AUTS2: variants seen among roughly 807,000 people sequenced by gnomAD.
AUTS2 encodes the protein activator of transcription and developmental regulator AUTS2, also known as autism susceptibility gene 2 protein.
Under a neutral mutation model 112.4 loss-of-function variants are expected in AUTS2, and 17 were observed. The ratio of observed to expected loss-of-function variants is 0.15; its 90% confidence interval spans 0.10 to 0.23. AUTS2 has a LOEUF of 0.23. Among genes scored for constraint, AUTS2 ranks in the 10% least tolerant of loss-of-function variants. The probability of loss-of-function intolerance (pLI) is 1.00; values close to 1 mark genes in which losing one functional copy is unlikely to be tolerated. For missense variants in AUTS2, 1,510 were observed against 1,701.6 expected (o/e 0.89, Z 1.98); for synonymous variants, 751 against 702.7 (o/e 1.07, Z -1.09).
chr7:70,170,595 C>CTT (rs398005103), intron 4 of AUTS2, among the ~76,000 whole-genome samples: 24,646 of 126,812 alleles, frequency 0.19, 2,661 homozygotes, highest in Middle Eastern at 0.26. Context: ...GACACGTTAT[C>CTT]TTTTTTTTTT....
chr7:69,775,358 C>A (rs1253737645), intron 1 of AUTS2, among the ~76,000 whole-genome samples: 1 of 152,280 alleles, frequency 6.6e-6, no homozygotes, highest in Admixed American at 6.5e-5. Flanking sequence ...GAGAATGATC[C>A]CTGATGCAGT....
chr7:69,760,698 G>A (rs1788149405), intron 1 of AUTS2, among the ~76,000 whole-genome samples: 1 of 152,150 alleles, frequency 6.6e-6, no homozygotes, highest in South Asian at 2.1e-4. Flanking sequence ...GCACAAGTCT[G>A]TAATCCCAGC....
intron 1 of AUTS2, among the ~76,000 whole-genome samples, chr7:69,670,555 CAAAAA>C (rs200373158): frequency 5.2e-4 from 62 of 119,000 alleles, no homozygotes; most frequent in Non-Finnish European, 7.9e-4. Flanking sequence ...CTTGATCCCT[CAAAAA>C]AAAAAAAAAA....
intron 5 of AUTS2, among the ~76,000 whole-genome samples, chr7:70,445,982 A>G (rs1331365753): frequency 5.3e-5 from 8 of 152,204 alleles, no homozygotes; most frequent in Admixed American, 4.6e-4. Context: ...CCAGAGCCTC[A>G]TGAACCCCAT....
intron 1 of AUTS2, among the ~76,000 whole-genome samples, chr7:69,693,923 G>A (rs1170098610): frequency 1.3e-5 from 2 of 152,132 alleles, no homozygotes; most frequent in African/African-American, 4.8e-5. Flanking sequence ...CGCTGTGTAG[G>A]GTGATTCTAA....
At chr7:69,616,820 A>G (rs1793405949) in intron 1 of AUTS2, among the ~76,000 whole-genome samples, 1 of 152,150 alleles carries the variant, frequency 6.6e-6, no homozygotes, top group Admixed American at 6.5e-5. Context: ...TTATTAAATC[A>G]GAACTCCACC....
chr7:70,522,261 G>A (rs1224321458), intron 5 of AUTS2, among the ~76,000 whole-genome samples: 1 of 152,098 alleles, frequency 6.6e-6, no homozygotes. Context: ...AGAAAAAATA[G>A]CAACTAAGAA....
At chr7:69,831,025 A>G (rs936437827) in intron 1 of AUTS2, among the ~76,000 whole-genome samples, 1 of 152,316 alleles carries the variant, frequency 6.6e-6, no homozygotes, top group African/African-American at 2.4e-5. Context: ...GAAGGCTTTC[A>G]TAGACAGCCT....
chr7:70,709,945 G>A (rs915724347), intron 6 of AUTS2, among the ~76,000 whole-genome samples: 3 of 152,148 alleles, frequency 2.0e-5, no homozygotes, highest in Non-Finnish European at 4.4e-5. Flanking sequence ...AGAGGGGATT[G>A]AGCCCCGGCA....
chr7:69,731,619 T>C (rs1786798193), intron 1 of AUTS2, among the ~76,000 whole-genome samples: 1 of 152,236 alleles, frequency 6.6e-6, no homozygotes, highest in Non-Finnish European at 1.5e-5. Context: ...CTGAGTGTTT[T>C]ATACAGAATG....
chr7:70,693,929 G>A (rs934025998), intron 5 of AUTS2: 1 of 152,014 alleles, frequency 6.6e-6, no homozygotes, highest in Non-Finnish European at 1.5e-5. Context: ...CGCCTCCGCT[G>A]GGCCGACCCG....
Position 70,134,613 on chromosome 7 carries a change from A to C in AUTS2, c.660+42A>C, listed in dbSNP as rs778314456. On this transcript the variant is annotated intron_variant, in intron 4 of 18. Transcript: ENST00000342771. ...TTCCACATATGTGCCTTGCATTGGC[A>C]TTGATTTCCTTCTATAATGAATGCT... 1.4e-5 allele frequency: 22 copies of C among 1,588,098 alleles called. No homozygotes were observed. The East Asian group carries it at 4.5e-4, about 32-fold the overall frequency.
intron 13 of AUTS2, 95 bp from the exon 14 acceptor site, chr7:70,777,008 T>C: frequency 1.6e-6 from 2 of 1,239,824 alleles, no homozygotes; most frequent in Non-Finnish European, 2.4e-6. Context: ...GAAAAAAGCC[T>C]CTGCAGCCAA....
intron 5 of AUTS2, among the ~76,000 whole-genome samples, chr7:70,557,526 C>G (rs891396518): frequency 1.3e-5 from 2 of 152,180 alleles, no homozygotes; most frequent in Admixed American, 1.3e-4. Context: ...AACATGTGCT[C>G]CATTAAAAAT....
chr7:69,781,675 A>G (rs1212842513), intron 1 of AUTS2, among the ~76,000 whole-genome samples: 1 of 152,194 alleles, frequency 6.6e-6, no homozygotes, highest in Admixed American at 6.5e-5. Context: ...TCTTCTCCAC[A>G]TTACTTGTAA....
intron 6 of AUTS2, among the ~76,000 whole-genome samples, chr7:70,744,423 G>A (rs761438208): frequency 5.9e-5 from 9 of 152,068 alleles, no homozygotes; most frequent in Admixed American, 1.3e-4. Flanking sequence ...TTTCTAGGCC[G>A]CCCTCTCCTG....
At chr7:70,496,681 C>CT (rs1798536695) in intron 5 of AUTS2, among the ~76,000 whole-genome samples, 1 of 133,654 alleles carries the variant, frequency 7.5e-6, no homozygotes, top group Non-Finnish European at 1.6e-5. Flanking sequence ...ATCACACACC[C>CT]CACTCACACC....
At chr7:70,529,883 A>G (rs572927861) in intron 5 of AUTS2, among the ~76,000 whole-genome samples, 1 of 152,376 alleles carries the variant, frequency 6.6e-6, no homozygotes, top group African/African-American at 2.4e-5. Context: ...AGTAAATATC[A>G]GAAAGGATAG....
chr7:70,332,873 C>G (rs1221242944), intron 4 of AUTS2, among the ~76,000 whole-genome samples: 1 of 152,080 alleles, frequency 6.6e-6, no homozygotes, highest in Non-Finnish European at 1.5e-5. Flanking sequence ...AGAAGAAAAC[C>G]TAAGCAATAC....
Sources: gnomAD v4.1 joint callset for allele counts (sites outside exome capture counted in the v4.1 genomes callset) on GRCh38, gnomAD v4.1.1 for gene constraint, MANE v1.5 for transcripts, NCBI Gene and HGNC (gene_info 2026-07-23, HGNC 2026-07-21) for gene names.